The following R3HDM1 variants were observed in gnomAD, a reference collection of about 807,000 sequenced individuals.
R3HDM1 encodes R3H domain containing 1.
In R3HDM1, 46 loss-of-function variants were observed where a neutral mutation model predicts 141.1. That is an observed-to-expected ratio of 0.33 (90% CI 0.26 to 0.42). The LOEUF (loss-of-function observed/expected upper bound fraction) is 0.42, where lower values mean the gene tolerates loss of function less well. R3HDM1 is among the 10% of genes least tolerant of loss of function. The pLI, the probability that R3HDM1 is intolerant of heterozygous loss-of-function variation, is 1.00. For synonymous variants in R3HDM1, 435 were observed against 472.9 expected (o/e 0.92, Z 1.04); for missense variants, 1,184 against 1,368.3 (o/e 0.87, Z 2.12).
rs576141390 is a variant in R3HDM1, at chr2:135,678,176, G to A, written c.2308-1997G>A. 3.9e-5 allele frequency among the ~76,000 whole-genome samples: 6 copies of A among 151,970 alleles called. No individual in the cohort carries two copies. The East Asian group carries it at 1.2e-3, about 30-fold the overall frequency. On this transcript the variant is annotated intron_variant, in intron 20 of 26. Coordinates refer to ENST00000683871, the MANE Select transcript of R3HDM1 (RefSeq NM_001378107.1). ...GACGGTGTTTCACCATGTTGGCCAG[G>A]CTGGCTGGAACTCCTGACCTCAAGT...
intron 7 of R3HDM1, among the ~76,000 whole-genome samples, chr2:135,624,483 A>G (rs1180173546): frequency 1.3e-5 from 2 of 152,128 alleles, no homozygotes; most frequent in East Asian, 3.8e-4. Flanking sequence ...GCAAGGGATA[A>G]TACCAACACC....
At chr2:135,566,349 C>T (rs370358957) in intron 1 of R3HDM1, among the ~76,000 whole-genome samples, 1 of 151,976 alleles carries the variant, frequency 6.6e-6, no homozygotes, top group Non-Finnish European at 1.5e-5. Flanking sequence ...ATGTAAAACT[C>T]TTTGTACTAT....
chr2:135,708,460 A>G (rs1258155688), intron 21 of R3HDM1, among the ~76,000 whole-genome samples: 1 of 152,236 alleles, frequency 6.6e-6, no homozygotes, highest in Non-Finnish European at 1.5e-5. Flanking sequence ...GCAAAAAGTT[A>G]TTCCAACTAA....
chr2:135,635,654 A>T (rs954508158), intron 9 of R3HDM1, among the ~76,000 whole-genome samples: 1 of 152,220 alleles, frequency 6.6e-6, no homozygotes, highest in Admixed American at 6.5e-5. Flanking sequence ...ATCCAAGCGG[A>T]CTGACTCCAG....
intron 21 of R3HDM1, among the ~76,000 whole-genome samples, chr2:135,683,107 T>C (rs891088543): frequency 6.6e-6 from 1 of 152,230 alleles, no homozygotes; most frequent in African/African-American, 2.4e-5. Flanking sequence ...TTGGTCACCA[T>C]GTGACAAACT....
intron 1 of R3HDM1, among the ~76,000 whole-genome samples, chr2:135,590,370 C>T (rs1419894256): frequency 3.9e-5 from 6 of 152,036 alleles, no homozygotes; most frequent in African/African-American, 1.4e-4. Context: ...TTTCAGAATG[C>T]TGGCTAAACC....
At chr2:135,548,040 A>G (rs112566954) in intron 1 of R3HDM1, among the ~76,000 whole-genome samples, 6,754 of 152,112 alleles carry the variant, frequency 0.044, 506 homozygotes, top group African/African-American at 0.16. Flanking sequence ...CTAAAGTGCT[A>G]GGATTACAGG....
intron 21 of R3HDM1, among the ~76,000 whole-genome samples, chr2:135,705,960 T>G (rs1218530546): frequency 6.6e-6 from 1 of 152,010 alleles, no homozygotes; most frequent in Non-Finnish European, 1.5e-5. Context: ...AAACCCCGTC[T>G]CTACTAAAAA....
At position 135,661,260 on chromosome 2, in the gene R3HDM1, A is replaced by G. The variant is rs747809239; in HGVS notation, c.2029-10A>G. The G allele has an allele frequency of 3.1e-6, 5 of 1,613,694 alleles. No homozygotes were observed. Among genetic ancestry groups the G allele is most frequent in the South Asian group, 2.2e-5 (2 of 91,010 alleles). Reference sequence around the variant, plus strand: ...AAATTGATTTTTTCCCGCAATATTTATGATCCTAGATGCCAGCCTGTTATT... The same window carrying G: ...AAATTGATTTTTTCCCGCAATATTTGTGATCCTAGATGCCAGCCTGTTATT... On this transcript the variant is annotated splice_polypyrimidine_tract_variant and intron_variant, in intron 18 of 26. Transcript: ENST00000683871.
intron 21 of R3HDM1, among the ~76,000 whole-genome samples, chr2:135,681,402 T>A (rs1387799090): frequency 6.6e-6 from 1 of 152,258 alleles, no homozygotes; most frequent in African/African-American, 2.4e-5. Context: ...TAACATTATT[T>A]TCTCATTGTA....
At chr2:135,683,587 C>A (rs574311161) in intron 21 of R3HDM1, among the ~76,000 whole-genome samples, 1 of 150,160 alleles carries the variant, frequency 6.7e-6, no homozygotes, top group South Asian at 2.1e-4. Context: ...TTAAAGATCT[C>A]TTTGGGTGAA....
At chr2:135,715,264 C>T (rs1304589112) in intron 23 of R3HDM1, among the ~76,000 whole-genome samples, 1 of 151,978 alleles carries the variant, frequency 6.6e-6, no homozygotes, top group Non-Finnish European at 1.5e-5. Context: ...GCAGGAGGCT[C>T]AGGAGGCTGA....
At chr2:135,704,653 C>G (rs2074665330) in intron 21 of R3HDM1, among the ~76,000 whole-genome samples, 2 of 151,466 alleles carry the variant, frequency 1.3e-5, no homozygotes, top group Admixed American at 1.3e-4. Context: ...GTATTTTTAG[C>G]AGAGATAGGG....
At chr2:135,697,587 T>C (rs1022704801) in intron 21 of R3HDM1, among the ~76,000 whole-genome samples, 20 of 152,210 alleles carry the variant, frequency 1.3e-4, no homozygotes, top group African/African-American at 4.8e-4. Flanking sequence ...ATTACTAAAG[T>C]ACAACTACTT....
At chr2:135,643,882 G>A (rs1224899955) in intron 15 of R3HDM1, among the ~76,000 whole-genome samples, 19 of 152,152 alleles carry the variant, frequency 1.2e-4, no homozygotes, top group African/African-American at 4.6e-4. Flanking sequence ...AATATCACAC[G>A]TTCTCACTTG....
At chr2:135,714,308 G>A (rs1026207535) in intron 23 of R3HDM1, among the ~76,000 whole-genome samples, 2 of 152,144 alleles carry the variant, frequency 1.3e-5, no homozygotes, top group Non-Finnish European at 2.9e-5. Context: ...TATATAACAT[G>A]AACTTTTTAA....
chr2:135,716,093 A>G (rs542852373), intron 24 of R3HDM1, among the ~76,000 whole-genome samples: 21 of 152,100 alleles, frequency 1.4e-4, no homozygotes, highest in African/African-American at 4.3e-4. Flanking sequence ...TTGGGAGGCC[A>G]ATGCGGAAGG....
intron 18 of R3HDM1, among the ~76,000 whole-genome samples, chr2:135,657,891 T>C (rs889845494): frequency 6.6e-6 from 1 of 152,256 alleles, no homozygotes; most frequent in African/African-American, 2.4e-5. Context: ...TCATGCATCA[T>C]TTAATGATAG....
At position 135,709,454 on chromosome 2, in the gene R3HDM1, A is replaced by G. The variant is rs2075372386; in HGVS notation, c.2481A>G (p.Gln827=). Residue 827 remains glutamine (Q), a synonymous_variant, in exon 22 of 27, where the codon CAA becomes CAG. Transcript: ENST00000683871. ...ATAGCTCTTCAGTAGGTTACCTGCA[A>G]CATCCAGGATCAGAACAAGTACAAT... The part of the protein sequence containing the change: ...NNLSSSVGYL[Q]HPGSEQVQFP... 1.9e-6 allele frequency: 3 copies of G among 1,614,162 alleles called. No individual in the cohort carries two copies. Among genetic ancestry groups the G allele is most frequent in the Non-Finnish European group, 2.5e-6 (3 of 1,180,022 alleles).
Sources: allele counts gnomAD v4.1 joint callset (sites outside exome capture counted in the v4.1 genomes callset), GRCh38; gene constraint gnomAD v4.1.1; transcripts MANE v1.5; gene names NCBI Gene and HGNC (gene_info 2026-07-23, HGNC 2026-07-21).